The following PLXDC2 variants were observed in gnomAD, a reference collection of about 807,000 sequenced individuals.
The protein encoded by PLXDC2 is plexin domain containing 2, also known as plexin domain-containing protein 2.
In PLXDC2, 40 loss-of-function variants were observed where a neutral mutation model predicts 68.9. The observed-to-expected ratio is 0.58, with a 90% confidence interval of 0.45 to 0.76. The LOEUF (loss-of-function observed/expected upper bound fraction) is 0.76. Ranked by LOEUF, PLXDC2 falls within the 30% of genes least tolerant of loss-of-function variation. PLXDC2 has a pLI of 0.00. For missense variants in PLXDC2, 644 were observed against 661.9 expected (o/e 0.97, Z 0.30); for synonymous variants, 243 against 234.2 (o/e 1.04, Z -0.34).
chr10:20,145,968 T>G (rs1338002705), intron 5 of PLXDC2, among the ~76,000 whole-genome samples: 4 of 152,180 alleles, frequency 2.6e-5, no homozygotes, highest in African/African-American at 9.7e-5. Flanking sequence ...TAATCAAGCG[T>G]AAGTATATTT....
At chr10:19,897,451 G>A (rs1223963854) in intron 1 of PLXDC2, among the ~76,000 whole-genome samples, 1 of 151,982 alleles carries the variant, frequency 6.6e-6, no homozygotes, top group East Asian at 1.9e-4. Flanking sequence ...CTCCACGTTA[G>A]TCAGGCTGGT....
At chr10:19,898,824 T>G (rs1378923015) in intron 1 of PLXDC2, among the ~76,000 whole-genome samples, 2 of 152,106 alleles carry the variant, frequency 1.3e-5, no homozygotes, top group Non-Finnish European at 2.9e-5. Flanking sequence ...AAATAAAGCT[T>G]GAAGGGTGAA....
rs1459531677 is a variant in PLXDC2, at chr10:20,020,997, C to T, written c.324+19011C>T. ...AGAATAATTTCCTGTTATTTCCTGTCTGAATAGCAAACAACTGGTCACAGT... is the reference window on the plus strand; with the variant it reads ...AGAATAATTTCCTGTTATTTCCTGTTTGAATAGCAAACAACTGGTCACAGT... On this transcript the variant is annotated intron_variant, in intron 2 of 13. Transcript: ENST00000377252. Among the ~76,000 whole-genome samples, 4 of 152,110 alleles carry T rather than the reference C, an allele frequency of 2.6e-5. No individual in the cohort carries two copies. In the East Asian group the frequency reaches 7.7e-4, roughly 29 times the overall value.
chr10:20,252,239 G>A (rs1835686063), intron 13 of PLXDC2, among the ~76,000 whole-genome samples: 1 of 152,122 alleles, frequency 6.6e-6, no homozygotes, highest in South Asian at 2.1e-4. Flanking sequence ...GGACTTCTGA[G>A]CTCTTAAAAT....
chr10:20,121,997 A>T (rs1316770175), intron 4 of PLXDC2, among the ~76,000 whole-genome samples: 1 of 151,958 alleles, frequency 6.6e-6, no homozygotes, highest in African/African-American at 2.4e-5. Context: ...GAGGTATCTT[A>T]TACTTGTGGG....
intron 1 of PLXDC2, among the ~76,000 whole-genome samples, chr10:19,950,757 A>G (rs916485414): frequency 2.0e-4 from 30 of 152,304 alleles, no homozygotes; most frequent in African/African-American, 7.2e-4. Flanking sequence ...AACATAGTAT[A>G]CGGCTACAGT....
chr10:19,921,822 A>G (rs1833466122), intron 1 of PLXDC2, among the ~76,000 whole-genome samples: 1 of 152,098 alleles, frequency 6.6e-6, no homozygotes, highest in South Asian at 2.1e-4. Flanking sequence ...CAGTTGGGAC[A>G]ACTGTGTCTA....
chr10:19,950,722 G>A (rs544426177), intron 1 of PLXDC2, among the ~76,000 whole-genome samples: 29 of 152,220 alleles, frequency 1.9e-4, no homozygotes, highest in African/African-American at 6.7e-4. Flanking sequence ...GAACAAAGTT[G>A]GAAACATCAC....
At chr10:20,213,090 T>A (rs1457196135) in intron 10 of PLXDC2, among the ~76,000 whole-genome samples, 1 of 152,150 alleles carries the variant, frequency 6.6e-6, no homozygotes, top group African/African-American at 2.4e-5. Context: ...TTATGATGAG[T>A]TTTATATGCC....
chr10:19,929,076 A>G (rs1414758916), intron 1 of PLXDC2, among the ~76,000 whole-genome samples: 2 of 151,710 alleles, frequency 1.3e-5, no homozygotes, highest in Non-Finnish European at 2.9e-5. Flanking sequence ...TTATCATTCT[A>G]AAAAGAACCC....
At chr10:20,189,476 CATATATAT>C (rs59999548) in intron 9 of PLXDC2, among the ~76,000 whole-genome samples, 32 of 75,784 alleles carry the variant, frequency 4.2e-4, no homozygotes, top group East Asian at 1.8e-3. Context: ...AAAGGTAGGC[CATATATAT>C]ATATATATAT....
chr10:20,083,306 T>G (rs1171946075), intron 4 of PLXDC2, among the ~76,000 whole-genome samples: 2 of 151,534 alleles, frequency 1.3e-5, no homozygotes, highest in Non-Finnish European at 2.9e-5. Context: ...AAACCCCGTC[T>G]CTACTAAAAA....
intron 1 of PLXDC2, among the ~76,000 whole-genome samples, chr10:19,986,909 A>G (rs1440875801): frequency 6.6e-6 from 1 of 152,356 alleles, no homozygotes; most frequent in Non-Finnish European, 1.5e-5. Flanking sequence ...TTCAAGGCAA[A>G]TAGTGATTTC....
chr10:20,050,197 T>C (rs1415138091), intron 3 of PLXDC2, among the ~76,000 whole-genome samples: 2 of 152,068 alleles, frequency 1.3e-5, no homozygotes, highest in Admixed American at 6.6e-5. Flanking sequence ...TTACACCATA[T>C]ACAAAAAATC....
intron 9 of PLXDC2, among the ~76,000 whole-genome samples, chr10:20,206,060 A>T (rs560551559): frequency 6.6e-5 from 10 of 152,270 alleles, no homozygotes; most frequent in African/African-American, 1.9e-4. Flanking sequence ...AGTATCTGAG[A>T]TGACGGCTAT....
chr10:20,150,187 C>A (rs765503661), intron 6 of PLXDC2, among the ~76,000 whole-genome samples: 1 of 152,108 alleles, frequency 6.6e-6, no homozygotes, highest in Non-Finnish European at 1.5e-5. Flanking sequence ...TGTCATGCAT[C>A]CATCATTATG....
chr10:19,827,978 A>T (rs891791101), intron 1 of PLXDC2, among the ~76,000 whole-genome samples: 15 of 152,164 alleles, frequency 9.9e-5, no homozygotes, highest in African/African-American at 3.6e-4. Flanking sequence ...CATACATCTA[A>T]TTGTTTCCTA....
intron 1 of PLXDC2, among the ~76,000 whole-genome samples, chr10:19,999,543 T>A (rs933057205): frequency 6.6e-6 from 1 of 152,154 alleles, no homozygotes; most frequent in Non-Finnish European, 1.5e-5. Flanking sequence ...CTTATCTAGG[T>A]TGACATTCTA....
chr10:19,995,922 A>G (rs1410890027), intron 1 of PLXDC2, among the ~76,000 whole-genome samples: 1 of 152,214 alleles, frequency 6.6e-6, no homozygotes, highest in Non-Finnish European at 1.5e-5. Context: ...AATAGTAACT[A>G]TATTCATTGT....
Sources: gnomAD v4.1 joint callset for allele counts (sites outside exome capture counted in the v4.1 genomes callset) on GRCh38, gnomAD v4.1.1 for gene constraint, MANE v1.5 for transcripts, NCBI Gene and HGNC (gene_info 2026-07-23, HGNC 2026-07-21) for gene names.